MSTO1: variants seen among roughly 807,000 people sequenced by gnomAD.
The protein encoded by MSTO1 is protein misato homolog 1.
Under a neutral mutation model 55.7 loss-of-function variants are expected in MSTO1, and 24 were observed. The observed-to-expected ratio is 0.43, with a 90% CI of 0.31 to 0.61. The LOEUF (loss-of-function observed/expected upper bound fraction) is 0.61, where lower values mean the gene tolerates loss of function less well. Ranked by LOEUF, MSTO1 falls within the 20% of genes least tolerant of loss-of-function variation. MSTO1 has a pLI of 0.09. For synonymous variants in MSTO1, 162 were observed against 252.8 expected (o/e 0.64, Z 3.41); for missense variants, 363 against 625.7 (o/e 0.58, Z 4.48).
At chr1:155,602,228 C>T in the MSTO1 span, 1 of 567,598 alleles carries the variant, frequency 1.8e-6, no homozygotes, top group Non-Finnish European at 3.4e-6. Flanking sequence ...CCTGTAATCA[C>T]AGCACTTTAG....
At chr1:155,613,306 G>A in intron 11 of MSTO1, 73 bp downstream of exon 11, 1 of 1,582,940 alleles carries the variant, frequency 6.3e-7, no homozygotes, top group Non-Finnish European at 8.6e-7. Flanking sequence ...ATTTCTCTGG[G>A]GCATTCTAAT....
the MSTO1 span, among the ~76,000 whole-genome samples, chr1:155,575,915 T>C: frequency 6.6e-6 from 1 of 151,734 alleles, no homozygotes; most frequent in Non-Finnish European, 1.5e-5. Flanking sequence ...CTCCACCTCC[T>C]GGGCTCAAGC....
the MSTO1 span, among the ~76,000 whole-genome samples, chr1:155,574,833 C>T: frequency 1.3e-5 from 2 of 151,510 alleles, no homozygotes; most frequent in Non-Finnish European, 2.9e-5. Context: ...CCTGAGCCAC[C>T]GTGCACAGCC....
chr1:155,613,450 T>G lies in MSTO1; in HGVS notation c.1284-12T>G. The G allele has an allele frequency of 6.2e-7, 1 of 1,614,082 alleles. No individual in the cohort carries two copies. The highest frequency in any genetic ancestry group is 8.5e-7 in the Non-Finnish European group (1 of 1,179,994). On this transcript the variant is annotated splice_polypyrimidine_tract_variant and intron_variant, in intron 11 of 13. Transcript: ENST00000245564. ...CCACAGACTAATGGTGGTTTTGGCT[T>G]TGTTCTGGCAGCCAGCTCACCCCAG...
chr1:155,568,629 A>G, the MSTO1 span, among the ~76,000 whole-genome samples: 1 of 147,362 alleles, frequency 6.8e-6, no homozygotes, highest in Admixed American at 6.8e-5. Flanking sequence ...TAGTAGAGAC[A>G]GGATTTCACT....
the MSTO1 span, among the ~76,000 whole-genome samples, chr1:155,603,339 G>A: frequency 6.6e-6 from 1 of 152,118 alleles, no homozygotes; most frequent in South Asian, 2.1e-4. Flanking sequence ...GGAGGTTGCA[G>A]TGAGCTGAGA....
chr1:155,588,104 G>T, the MSTO1 span, among the ~76,000 whole-genome samples: 1 of 151,740 alleles, frequency 6.6e-6, no homozygotes, highest in Non-Finnish European at 1.5e-5. Flanking sequence ...AGCTACTCGG[G>T]AGGCTGTGGC....
At chr1:155,606,188 C>T (rs1337074630), upstream of MSTO1, among the ~76,000 whole-genome samples, 3 of 134,218 alleles carry the variant, frequency 2.2e-5, no homozygotes, top group Non-Finnish European at 4.7e-5. Context: ...CACTGGCCAC[C>T]ATGCCCAGCC....
At chr1:155,567,144 C>T in the MSTO1 span, among the ~76,000 whole-genome samples, 2 of 150,974 alleles carry the variant, frequency 1.3e-5, no homozygotes, top group Admixed American at 6.6e-5. Flanking sequence ...TTTTTTTCCC[C>T]ACAGAGTCTT....
intron 13 of MSTO1, 71 bp from the exon 14 acceptor site, chr1:155,613,988 T>C (rs1675088475): frequency 1.3e-5 from 21 of 1,604,250 alleles, no homozygotes; most frequent in Non-Finnish European, 1.7e-5. Context: ...TGGACTTCCT[T>C]ATCAGTTTGG....
At chr1:155,600,667 C>T in the MSTO1 span, among the ~76,000 whole-genome samples, 4 of 152,136 alleles carry the variant, frequency 2.6e-5, no homozygotes, top group Non-Finnish European at 4.4e-5. Flanking sequence ...CCTGCCTTAG[C>T]CTCCCCAGTA....
At chr1:155,604,506 G>T in the MSTO1 span, among the ~76,000 whole-genome samples, 2 of 152,206 alleles carry the variant, frequency 1.3e-5, no homozygotes, top group African/African-American at 4.8e-5. Flanking sequence ...GATCAGAATG[G>T]AAATGAGAAA....
chr1:155,597,711 T>C, the MSTO1 span, among the ~76,000 whole-genome samples: 20 of 151,160 alleles, frequency 1.3e-4, no homozygotes, highest in Non-Finnish European at 1.5e-5. Context: ...GGTTTCACCA[T>C]GTTGGTCAGG....
chr1:155,610,009 G>T, upstream of MSTO1: 1 of 541,012 alleles, frequency 1.8e-6, no homozygotes, highest in Non-Finnish European at 3.2e-6. Context: ...ACGTGGAGCA[G>T]GAGCAACGGC....
chr1:155,566,461 C>A, the MSTO1 span, among the ~76,000 whole-genome samples: 1 of 151,952 alleles, frequency 6.6e-6, no homozygotes, highest in Non-Finnish European at 1.5e-5. Context: ...AGCAAGACCC[C>A]CATCTCTACA....
At chr1:155,563,800 T>G in the MSTO1 span, 1 of 349,698 alleles carries the variant, frequency 2.9e-6, no homozygotes, top group East Asian at 7.6e-5. Context: ...ATAATATATG[T>G]AAAGTGGAAT....
the MSTO1 span, chr1:155,598,786 C>A: frequency 9.8e-7 from 1 of 1,016,406 alleles, no homozygotes; most frequent in East Asian, 2.5e-5. Context: ...TTCTAGTCAC[C>A]TTGTAGTCAC....
the MSTO1 span, among the ~76,000 whole-genome samples, chr1:155,565,783 G>C: frequency 2.6e-5 from 4 of 152,122 alleles, no homozygotes; most frequent in Non-Finnish European, 4.4e-5. Flanking sequence ...GTATGCCCCA[G>C]AGCCAACTAG....
At chr1:155,572,223 C>G in the MSTO1 span, among the ~76,000 whole-genome samples, 2 of 152,010 alleles carry the variant, frequency 1.3e-5, no homozygotes, top group African/African-American at 4.8e-5. Flanking sequence ...CACTCGATGC[C>G]AATAGCATCC....
Sources: allele counts gnomAD v4.1 joint callset (sites outside exome capture counted in the v4.1 genomes callset), GRCh38; gene constraint gnomAD v4.1.1; transcripts MANE v1.5; gene names NCBI Gene and HGNC (gene_info 2026-07-23, HGNC 2026-07-21).